Variants in TCAF1 observed in about 807,000 individuals in gnomAD.
TCAF1 encodes TRPM8 channel-associated factor 1.
Under a neutral mutation model 27.3 loss-of-function variants are expected in TCAF1, and 4 were observed. The ratio of observed to expected loss-of-function variants is 0.15; its 90% CI spans 0.07 to 0.34. The LOEUF (loss-of-function observed/expected upper bound fraction) is 0.34. TCAF1 is among the 10% of genes least tolerant of loss of function. The pLI is 1.00. For missense variants in TCAF1, 257 were observed against 425.8 expected, an observed-to-expected ratio of 0.60 and a Z score of 3.49; for synonymous variants, 105 against 167.1, an observed-to-expected ratio of 0.63 and a Z score of 2.87.
At chr7:143,890,975 G>C (rs942882352) in intron 1 of TCAF1, among the ~76,000 whole-genome samples, 4 of 152,120 alleles carry the variant, frequency 2.6e-5, no homozygotes, top group Admixed American at 1.3e-4. Flanking sequence ...CCAACAAAAA[G>C]AAACATTCTA....
At chr7:143,898,993 G>T (rs1814006708) in intron 1 of TCAF1, among the ~76,000 whole-genome samples, 1 of 152,130 alleles carries the variant, frequency 6.6e-6, no homozygotes, top group South Asian at 2.1e-4. Flanking sequence ...CAGTAAGAAG[G>T]CTCTTTCTTG....
chr7:143,883,111 G>A (rs1813170984), intron 1 of TCAF1, among the ~76,000 whole-genome samples: 1 of 152,224 alleles, frequency 6.6e-6, no homozygotes, highest in South Asian at 2.1e-4. Flanking sequence ...GGGAAAGGCT[G>A]AGCAAATTGT....
chr7:143,894,486 A>T (rs1307942483), intron 1 of TCAF1, among the ~76,000 whole-genome samples: 2 of 151,868 alleles, frequency 1.3e-5, no homozygotes, highest in Non-Finnish European at 3.0e-5. Flanking sequence ...ATGCCTTTTC[A>T]ATAAGTAGTT....
rs150457102 is a variant in TCAF1 at position 143,876,171 on chromosome 7, G to A, written c.438C>T (p.Gly146=). 8.4e-5 allele frequency: 135 copies of A among 1,614,142 alleles called. No individual in the cohort carries two copies. The highest frequency in any genetic ancestry group is 4.5e-4 in the East Asian group (20 of 44,884). Residue 146 remains glycine, a synonymous_variant, in exon 2 of 9, where the codon GGC becomes GGT. Coordinates refer to ENST00000479870, the MANE Select transcript of TCAF1 (RefSeq NM_014719.3). ...EKLVKFMKCG[G]GLLIGGQAWD... ...AGGCTTGTCCTCCTATGAGCAAGCC[G>A]CCACCACATTTCATGAACTTGACCA...
intron 1 of TCAF1, chr7:143,885,065 C>A (rs546631759): frequency 2.0e-6 from 2 of 985,442 alleles, no homozygotes; most frequent in African/African-American, 1.7e-5. Context: ...CGTGCGCCCC[C>A]CTCGGCCGCG....
At chr7:143,894,111 C>A (rs1813770455) in intron 1 of TCAF1, among the ~76,000 whole-genome samples, 1 of 151,718 alleles carries the variant, frequency 6.6e-6, no homozygotes, top group Non-Finnish European at 1.5e-5. Flanking sequence ...ATAAATTTAA[C>A]AAACTCAGAT....
rs930862723 is a variant in TCAF1, at chr7:143,851,440, A to G, written c.*2693T>C. 2.0e-5 allele frequency: 3 copies of G among 152,276 alleles called. No individual in the cohort carries two copies. The highest frequency in any genetic ancestry group is 7.2e-5 in the African/African-American group (3 of 41,466). 9.4% of individuals were successfully genotyped at this position (152,276 alleles called of 1,614,324 possible). On this transcript the variant is annotated 3_prime_UTR_variant, in exon 9 of 9. Transcript: ENST00000479870. ...ATACATGCACAAGGTAAAAAATTAA[A>G]TAGTACAGAAGGACTTAAAATGAAA... is the stretch of plus-strand genomic sequence containing the variant.
chr7:143,882,888 G>A (rs955711374), intron 1 of TCAF1: 8 of 985,152 alleles, frequency 8.1e-6, no homozygotes, highest in African/African-American at 3.5e-5. Flanking sequence ...GAGGAGAGGA[G>A]GGGTTTCCAC....
At position 143,876,454 on chromosome 7, in the gene TCAF1, G is replaced by C. The variant is rs1428072749; in HGVS notation, c.155C>G (p.Ser52Cys). ...CACCAGGCGGCCACGGCCATAGGAG[G>C]AGGCAGCAATGAGGACCTGGCCCAT... is the stretch of plus-strand genomic sequence containing the variant. Reference protein sequence around the residue: ...NDMGQVLIAASSYGRGRLVVV... With the variant: ...NDMGQVLIAACSYGRGRLVVV... The change falls in exon 2 of 9, where the codon TCC becomes TGC. Residue 52 changes from serine to cysteine, a missense_variant. Ser to Cys is a moderately radical substitution (Grantham distance 112). This residue lies in a region of TCAF1 where 255 missense variants were observed against 260.1 expected (regional missense o/e 0.98). Coordinates refer to ENST00000479870, the MANE Select transcript of TCAF1 (RefSeq NM_014719.3). 1.2e-5 allele frequency: 20 copies of C among 1,608,210 alleles called. No homozygotes were observed. In the South Asian group the frequency reaches 2.2e-4, roughly 18 times the overall value.
intron 1 of TCAF1, among the ~76,000 whole-genome samples, chr7:143,890,411 G>C (rs182404126): frequency 1.3e-5 from 2 of 152,028 alleles, no homozygotes; most frequent in Admixed American, 6.5e-5. Flanking sequence ...AACTTGAAGG[G>C]GCTTATGTTG....
chr7:143,888,155 C>G lies in TCAF1; in HGVS notation c.-14-11533G>C, dbSNP rs144340153. Among the ~76,000 whole-genome samples the G allele has an allele frequency of 9.0e-3, 1,364 of 152,110 alleles. 14 individuals are homozygous for G. The highest frequency in any genetic ancestry group is 0.041 in the Middle Eastern group (12 of 294). On this transcript the variant is annotated intron_variant, in intron 1 of 8. Transcript: ENST00000479870. ...TAGTTCTAGGAATGTAGATAAATGT[C>G]CCAAAACATACTACTGATGCAAACA...
At chr7:143,886,492 C>T (rs1813409105) in intron 1 of TCAF1, 1 of 984,708 alleles carries the variant, frequency 1.0e-6, no homozygotes, top group Non-Finnish European at 1.2e-6. Flanking sequence ...TCTTTCTATT[C>T]CCCACTTCAA....
chr7:143,887,822 G>A (rs1813481627), intron 1 of TCAF1, among the ~76,000 whole-genome samples: 1 of 152,160 alleles, frequency 6.6e-6, no homozygotes, highest in Admixed American at 6.5e-5. Flanking sequence ...CCAACATACT[G>A]TAGTGAACTA....
In TCAF1 at chr7:143,876,457, G is replaced by A. The variant is rs373516627; in HGVS notation, c.152C>T (p.Ala51Val). 6.2e-7 allele frequency: 1 copy of A among 1,607,554 alleles called. No homozygotes were observed. The highest frequency in any genetic ancestry group is 8.5e-7 in the Non-Finnish European group (1 of 1,177,094). Residue 51 changes from alanine to valine, a missense_variant, in exon 2 of 9, where the codon GCC becomes GTC. By Grantham distance (64) the Ala-to-Val change is moderately conservative. Transcript: ENST00000479870. ...VNDMGQVLIA[A>V]SSYGRGRLVV... The stretch of plus-strand genomic sequence containing the variant: ...CAGGCGGCCACGGCCATAGGAGGAG[G>A]CAGCAATGAGGACCTGGCCCATGTC...
intron 1 of TCAF1, among the ~76,000 whole-genome samples, chr7:143,892,800 G>A (rs188679819): frequency 1.6e-4 from 24 of 152,208 alleles, no homozygotes; most frequent in East Asian, 9.7e-4. Flanking sequence ...TTTATAAGAC[G>A]AGAACGAGAC....
At chr7:143,880,406 T>A (rs1239947158) in intron 1 of TCAF1, among the ~76,000 whole-genome samples, 1 of 152,222 alleles carries the variant, frequency 6.6e-6, no homozygotes, top group East Asian at 1.9e-4. Context: ...CATAAGTACC[T>A]GTTACATACC....
At position 143,891,478 on chromosome 7, in the gene TCAF1, A is replaced by G. The variant is rs546335230; in HGVS notation, c.-15+10483T>C. 3.3e-5 allele frequency among the ~76,000 whole-genome samples: 5 copies of G among 152,250 alleles called. No individual in the cohort carries two copies. The East Asian group carries it at 9.6e-4, about 29-fold the overall frequency. The stretch of plus-strand genomic sequence containing the variant: ...AAAAAGAAAAATAATAATAATTAAA[A>G]TTGGTACTTAATAGATTGCTTTAAT... On this transcript the variant is annotated intron_variant, in intron 1 of 8. Transcript: ENST00000479870.
At chr7:143,877,086 G>A (rs765186755) in intron 1 of TCAF1, among the ~76,000 whole-genome samples, 1 of 152,176 alleles carries the variant, frequency 6.6e-6, no homozygotes, top group South Asian at 2.1e-4. Context: ...GGCAGAGATT[G>A]GAGCGATGAG....
At chr7:143,885,678 CCTCT>C (rs1179738443) in intron 1 of TCAF1, 5 of 389,578 alleles carry the variant, frequency 1.3e-5, no homozygotes, top group Non-Finnish European at 1.8e-5. Context: ...TTATATATTG[CCTCT>C]ATCTATATAT....
Sources: allele counts gnomAD v4.1 joint callset (sites outside exome capture counted in the v4.1 genomes callset), GRCh38; gene constraint gnomAD v4.1.1; regional missense constraint gnomAD v4.1.1; transcripts MANE v1.5; gene names NCBI Gene and HGNC (gene_info 2026-07-23, HGNC 2026-07-21).